Variants in ACAN observed in about 807,000 individuals in gnomAD.
ACAN encodes aggrecan core protein.
In ACAN, 47 loss-of-function variants were observed where a neutral mutation model predicts 169.1. That is an observed-to-expected ratio of 0.28 (90% CI 0.22 to 0.35). The LOEUF is 0.35. ACAN is among the 10% of genes least tolerant of loss of function. The pLI is 1.00. For synonymous variants in ACAN, 1,115 were observed against 1,112.2 expected, an observed-to-expected ratio of 1.00 and a Z score of -0.05; for missense variants, 2,716 against 2,759.9, an observed-to-expected ratio of 0.98 and a Z score of 0.36.
chr15:88,830,230 C>G (rs1385433018), intron 1 of ACAN, among the ~76,000 whole-genome samples: 1 of 152,148 alleles, frequency 6.6e-6, no homozygotes, highest in African/African-American at 2.4e-5. Context: ...ACATGGAGGA[C>G]AGCACAATGA....
chr15:88,855,027 A>C lies in ACAN; in HGVS notation c.2442A>C (p.Ser814=). The part of the protein sequence containing the change: ...EPFPSVRPFP[S]VELFPSEEPF... ...TCCCCTCAGTGAGGCCATTCCCCTC[A>C]GTGGAGCTGTTCCCCTCAGAGGAGC... The change falls in exon 12 of 19, where the codon TCA becomes TCC. Residue 814 remains serine (S), a synonymous_variant. Coordinates refer to ENST00000560601, the MANE Select transcript of ACAN (RefSeq NM_001369268.1). The C allele has an allele frequency of 3.8e-6, 6 of 1,593,716 alleles. No individual in the cohort carries two copies. The highest frequency in any genetic ancestry group is 5.1e-6 in the Non-Finnish European group (6 of 1,171,414).
chr15:88,821,801 AAGTCCACCCTC>A (rs1896082968), intron 1 of ACAN, among the ~76,000 whole-genome samples: 1 of 152,140 alleles, frequency 6.6e-6, no homozygotes, highest in Admixed American at 6.5e-5. Context: ...GGAGGTGTCC[AAGTCCACCCTC>A]TGGTTCAGTA....
chr15:88,861,930 C>T lies in ACAN; in HGVS notation c.6946+1491C>T, dbSNP rs950110621. 2.6e-5 allele frequency among the ~76,000 whole-genome samples: 4 copies of T among 152,192 alleles called. No individual in the cohort carries two copies. The highest frequency in any genetic ancestry group is 6.5e-5 in the Admixed American group (1 of 15,276). ...TATTTCCACAGGGCTTTTGTTCCCA[C>T]GATTTCTCCCCAGATGGCTCTGTAA... On this transcript the variant is annotated intron_variant, in intron 13 of 18. Coordinates refer to ENST00000560601, the MANE Select transcript of ACAN (RefSeq NM_001369268.1). This position sits in a 1 kb window ranked among gnomAD's most constrained non-coding sequence, Gnocchi z 6.3.
intron 9 of ACAN, 121 bp downstream of exon 9, chr15:88,848,159 T>G: frequency 7.1e-7 from 1 of 1,410,988 alleles, no homozygotes; most frequent in East Asian, 2.4e-5. Flanking sequence ...CACCCAGCTT[T>G]CCAGGTGGGA....
At position 88,847,321 on chromosome 15, in the gene ACAN, C is replaced by A. The variant is rs779937883; in HGVS notation, c.1508C>A (p.Thr503Lys). 1.0e-5 allele frequency: 16 copies of A among 1,578,608 alleles called. No homozygotes were observed. In the East Asian group the frequency reaches 3.5e-4, roughly 34 times the overall value. ...GAGGCACAGCAGGCCTGCCTGCGCA[C>A]GGGGGCGGTCATTGCCTCGCCGGAG... ...FEEAQQACLR[T>K]GAVIASPEQL... Residue 503 changes from threonine (T) to lysine (K), a missense_variant, in exon 8 of 19, where the codon ACG (threonine) becomes AAG (lysine). Physicochemically the swap from Thr to Lys is moderately conservative, Grantham distance 78 (BLOSUM62 -1). Around this residue, in one of 3 missense-constraint regions of ACAN, gnomAD observed 1,283 missense variants for 1,281.5 expected, o/e 1.00. Transcript: ENST00000560601.
At chr15:88,831,603 G>A (rs1896366207) in intron 1 of ACAN, among the ~76,000 whole-genome samples, 1 of 152,212 alleles carries the variant, frequency 6.6e-6, no homozygotes, top group Non-Finnish European at 1.5e-5. Context: ...GACAGACACA[G>A]CAGCTACCTT....
chr15:88,874,019 C>G lies in ACAN; in HGVS notation c.7625C>G (p.Thr2542Arg). ...GHWEEPQITCTDPTTYKRRLQ... is the reference protein window; with the variant it reads ...GHWEEPQITCRDPTTYKRRLQ... ...TGGGAGGAGCCTCAGATCACCTGCA[C>G]AGACCGTGAGCATCACCCCGGCCAT... The change falls in exon 18 of 19, where the codon ACA becomes AGA. Residue 2542 changes from threonine to arginine, a missense_variant. Thr to Arg is a moderately conservative substitution (Grantham distance 71). Around this residue, in one of 3 missense-constraint regions of ACAN, gnomAD observed 1,389 missense variants for 1,363.7 expected, o/e 1.02. Coordinates refer to ENST00000560601, the MANE Select transcript of ACAN (RefSeq NM_001369268.1). This position sits in a 1 kb window ranked among gnomAD's most constrained non-coding sequence, Gnocchi z 7.3. The G allele has an allele frequency of 2.5e-6, 4 of 1,610,416 alleles. No individual in the cohort carries two copies. Among genetic ancestry groups the G allele is most frequent in the African/African-American group, 2.7e-5 (2 of 75,010 alleles).
chr15:88,842,514 CCCCT>C (rs529114099), intron 5 of ACAN, among the ~76,000 whole-genome samples: 29 of 145,466 alleles, frequency 2.0e-4, no homozygotes, highest in Admixed American at 8.0e-4. Flanking sequence ...CTGCCCATCC[CCCCT>C]CCCCCCTACC....
chr15:88,838,865 A>G lies in ACAN; in HGVS notation c.273A>G (p.Glu91=). The change falls in exon 3 of 19, where the codon GAA becomes GAG. Residue 91 remains glutamate, a synonymous_variant. Transcript: ENST00000560601. This position sits in a 1 kb window ranked among gnomAD's most constrained non-coding sequence, Gnocchi z 5.1. ...EKEVVLLVAT[E]GRVRVNSAYQ... is the part of the protein sequence containing the mutation. ...AGGTAGTGCTGCTGGTGGCCACTGA[A>G]GGGCGCGTGCGGGTCAACAGTGCCT... 1 of 1,614,050 alleles carries G rather than the reference A, an allele frequency of 6.2e-7. No individual in the cohort carries two copies. The highest frequency in any genetic ancestry group is 8.5e-7 in the Non-Finnish European group (1 of 1,179,902).
In ACAN at chr15:88,868,375, C is replaced by T. The variant is rs974750402; in HGVS notation, c.7060+46C>T. On this transcript the variant is annotated intron_variant, in intron 14 of 18. Coordinates refer to ENST00000560601, the MANE Select transcript of ACAN (RefSeq NM_001369268.1). The surrounding 1 kb of genome is among the most constrained non-coding windows in gnomAD (Gnocchi z 5.2). ...GCTAATGTTACTAACTGCTGCACCC[C>T]CTCCTCCTCCCTCACCTTTCCCTCC... is the stretch of plus-strand genomic sequence containing the variant. The T allele has an allele frequency of 1.7e-5, 12 of 689,738 alleles. No individual in the cohort carries two copies. Among genetic ancestry groups the T allele is most frequent in the African/African-American group, 3.5e-5 (2 of 57,038 alleles). The allele number at this position is 689,738 out of a possible 1,614,324, so 42.7% of individuals were successfully genotyped here.
At chr15:88,828,554 G>A (rs751814055) in intron 1 of ACAN, among the ~76,000 whole-genome samples, 2 of 152,110 alleles carry the variant, frequency 1.3e-5, no homozygotes, top group East Asian at 1.9e-4. Context: ...TTCTGAATAG[G>A]CTGGACCTTC....
intron 1 of ACAN, among the ~76,000 whole-genome samples, chr15:88,813,694 G>A (rs150553704): frequency 6.6e-6 from 1 of 152,288 alleles, no homozygotes; most frequent in African/African-American, 2.4e-5. Flanking sequence ...TACATCTTTT[G>A]AGCCGCAGGG....
chr15:88,848,616 A>G (rs559554493), intron 9 of ACAN, among the ~76,000 whole-genome samples: 76 of 152,184 alleles, frequency 5.0e-4, no homozygotes, highest in Non-Finnish European at 9.8e-4. Flanking sequence ...TTAACTCAGC[A>G]TTGCCCAATT....
intron 6 of ACAN, 87 bp from the exon 7 acceptor site, chr15:88,845,418 A>G: frequency 3.3e-6 from 5 of 1,500,056 alleles, no homozygotes; most frequent in Non-Finnish European, 4.5e-6. Context: ...AAGGAGGGGG[A>G]GCCATGCTCA....
In ACAN at chr15:88,847,268, A is replaced by G; in HGVS notation, c.1455A>G (p.Gly485=). ...PGGVVFHYRP[G]PTRYSLTFEE... is the part of the protein sequence containing the mutation. ...GGGTCGTCTTCCACTACCGCCCGGG[A>G]CCCACCCGCTACTCGCTGACCTTTG... is the stretch of plus-strand genomic sequence containing the variant. The change falls in exon 8 of 19, where the codon GGA becomes GGG. Residue 485 remains glycine, a synonymous_variant. Coordinates refer to ENST00000560601, the MANE Select transcript of ACAN (RefSeq NM_001369268.1). The G allele has an allele frequency of 6.4e-7, 1 of 1,562,304 alleles. No individual in the cohort carries two copies. The highest frequency in any genetic ancestry group is 8.7e-7 in the Non-Finnish European group (1 of 1,154,586).
At position 88,849,747 on chromosome 15, in the gene ACAN, T is replaced by C. The variant is rs1355552040; in HGVS notation, c.2026+16T>C. 3 of 1,612,382 alleles carry C rather than the reference T, an allele frequency of 1.9e-6. No homozygotes were observed. The highest frequency in any genetic ancestry group is 2.2e-5 in the East Asian group (1 of 44,810). The stretch of plus-strand genomic sequence containing the variant: ...TGCTTCCGAGGTATGCAGCCTCACT[T>C]CGGCTCCAACAGCCCCTTTTGTCTG... On this transcript the variant is annotated intron_variant, in intron 10 of 18. Coordinates refer to ENST00000560601, the MANE Select transcript of ACAN (RefSeq NM_001369268.1). The surrounding 1 kb of genome is among the most constrained non-coding windows in gnomAD (Gnocchi z 5.1).
At position 88,873,057 on chromosome 15, in the gene ACAN, G is replaced by A. The variant is rs1296324630; in HGVS notation, c.7447+32G>A. On this transcript the variant is annotated intron_variant, in intron 17 of 18. Coordinates refer to ENST00000560601, the MANE Select transcript of ACAN (RefSeq NM_001369268.1). The surrounding 1 kb of genome is among the most constrained non-coding windows in gnomAD (Gnocchi z 7.5). ...TGGCGCCTGGGAGGGGTCAGGGGAG[G>A]ATAGGATCAAGACCTCCAGCTACAG... The A allele has an allele frequency of 1.2e-6, 2 of 1,604,656 alleles. No homozygotes were observed. The highest frequency in any genetic ancestry group is 1.7e-6 in the Non-Finnish European group (2 of 1,175,424).
chr15:88,847,010 G>T (rs1259905117), intron 7 of ACAN, among the ~76,000 whole-genome samples: 1 of 152,232 alleles, frequency 6.6e-6, no homozygotes, highest in Admixed American at 6.5e-5. Context: ...GGACATTCTG[G>T]TGTGGCCTTG....
At chr15:88,817,776 C>A (rs886479898) in intron 1 of ACAN, among the ~76,000 whole-genome samples, 4 of 143,396 alleles carry the variant, frequency 2.8e-5, no homozygotes, top group Non-Finnish European at 1.5e-5. Flanking sequence ...ATTGCTTGAG[C>A]CTGGGAGGCG....
Sources: gnomAD v4.1 joint callset for allele counts (sites outside exome capture counted in the v4.1 genomes callset) on GRCh38, gnomAD v4.1.1 for gene constraint, gnomAD v4.1.1 regional missense constraint, Gnocchi (gnomAD v3.1) non-coding constraint, MANE v1.5 for transcripts, NCBI Gene and HGNC (gene_info 2026-07-23, HGNC 2026-07-21) for gene names.